The following DENND1A variants were observed in gnomAD, a reference collection of about 807,000 sequenced individuals.
DENND1A encodes DENN domain containing 1A, also known as DENN domain-containing protein 1A.
DENND1A carries 51 observed loss-of-function variants against 113.7 expected under a neutral mutation model. That is an observed-to-expected ratio of 0.45 (90% confidence interval 0.36 to 0.57). The LOEUF is 0.57. Ranked by LOEUF, DENND1A falls within the 20% of genes least tolerant of loss-of-function variation. The pLI is 0.00. For synonymous variants in DENND1A, 565 were observed against 570.8 expected, an observed-to-expected ratio of 0.99 and a Z score of 0.14; for missense variants, 1,258 against 1,395.9, an observed-to-expected ratio of 0.90 and a Z score of 1.57.
chr9:123,392,193 C>T (rs946566390), intron 21 of DENND1A, among the ~76,000 whole-genome samples: 6 of 152,162 alleles, frequency 3.9e-5, no homozygotes, highest in South Asian at 2.1e-4. Context: ...GCGCCGGGAT[C>T]GCACCGGCTT....
chr9:123,852,421 C>T (rs1843519187), intron 2 of DENND1A, among the ~76,000 whole-genome samples: 1 of 152,166 alleles, frequency 6.6e-6, no homozygotes, highest in African/African-American at 2.4e-5. Context: ...CACTTTGTGC[C>T]TGTCTCTATT....
chr9:123,424,332 C>A lies in DENND1A; in HGVS notation c.1489-12503G>T, dbSNP rs565684385. 2.8e-4 allele frequency among the ~76,000 whole-genome samples: 42 copies of A among 152,316 alleles called. 1 individual carries two copies. In the South Asian group the frequency reaches 8.5e-3, roughly 31 times the overall value. Reference sequence around the variant, plus strand: ...AGAGGAACACAGCCTGTGTCCAGCCCTGTGCTATTCTATGATCAGCTTCAA... The same window carrying A: ...AGAGGAACACAGCCTGTGTCCAGCCATGTGCTATTCTATGATCAGCTTCAA... On this transcript the variant is annotated intron_variant, in intron 19 of 23. Coordinates refer to ENST00000394215, the MANE Select transcript of DENND1A (RefSeq NM_001352964.2).
Position 123,706,770 on chromosome 9 carries a change from CAAAAAAA to C in DENND1A, c.303-29988_303-29982del, listed in dbSNP as rs575483682. The stretch of plus-strand genomic sequence containing the variant: ...TGGGTGACAGAGCGAGACTCCGTCT[CAAAAAAA>C]AAAAAAAAAAAAAAAAAAAATAGAG... On this transcript the variant is annotated intron_variant, in intron 5 of 23. Transcript: ENST00000394215. 2.1e-4 allele frequency among the ~76,000 whole-genome samples: 11 copies of C among 53,564 alleles called. No homozygotes were observed. In the East Asian group the frequency reaches 3.3e-3, roughly 16 times the overall value. 35.1% of individuals were successfully genotyped at this position (53,564 alleles called of 152,430 possible). A position where few individuals can be genotyped will look rare whatever the true frequency, so the allele number is the denominator to read the frequency against.
chr9:123,511,218 C>T (rs1429902918), intron 13 of DENND1A, among the ~76,000 whole-genome samples: 3 of 152,212 alleles, frequency 2.0e-5, no homozygotes, highest in African/African-American at 4.8e-5. Flanking sequence ...CAGTTAAGGG[C>T]TCAGATGTCT....
At chr9:123,749,832 C>T (rs78930537) in intron 5 of DENND1A, among the ~76,000 whole-genome samples, 4,011 of 152,278 alleles carry the variant, frequency 0.026, 55 homozygotes, top group Middle Eastern at 0.031. Flanking sequence ...TACTAAGCTT[C>T]ATGAGGATTA....
intron 5 of DENND1A, among the ~76,000 whole-genome samples, chr9:123,684,824 T>C (rs2064707149): frequency 6.6e-6 from 1 of 152,158 alleles, no homozygotes; most frequent in Non-Finnish European, 1.5e-5. Context: ...CATGGGGGAA[T>C]AAGGCCCATG....
intron 19 of DENND1A, among the ~76,000 whole-genome samples, chr9:123,425,897 C>T (rs1216876966): frequency 6.6e-6 from 1 of 152,232 alleles, no homozygotes; most frequent in South Asian, 2.1e-4. Flanking sequence ...TCATTCCTGG[C>T]AGCAGAGATG....
intron 13 of DENND1A, among the ~76,000 whole-genome samples, chr9:123,531,886 G>C (rs569349447): frequency 6.6e-6 from 1 of 152,326 alleles, no homozygotes; most frequent in South Asian, 2.1e-4. Context: ...GGGGCAGAGG[G>C]TTGCAGCTTG....
At chr9:123,799,525 T>C (rs1834299838) in intron 2 of DENND1A, among the ~76,000 whole-genome samples, 1 of 152,100 alleles carries the variant, frequency 6.6e-6, no homozygotes, top group Non-Finnish European at 1.5e-5. Flanking sequence ...TCTGGCCTTG[T>C]CCTAAGGGGG....
chr9:123,668,131 C>T (rs1042507215), intron 7 of DENND1A, among the ~76,000 whole-genome samples: 3 of 151,986 alleles, frequency 2.0e-5, no homozygotes, highest in South Asian at 2.1e-4. Flanking sequence ...AGCTTGGTGC[C>T]GGCCAATTAA....
intron 13 of DENND1A, among the ~76,000 whole-genome samples, chr9:123,552,018 CGAGAGAGAGAGAGAGAGAGACAGA>C (rs1378692161): frequency 1.7e-5 from 2 of 118,570 alleles, no homozygotes; most frequent in African/African-American, 3.2e-5. Flanking sequence ...AGAGCGAGAG[CGAGAGAGAGAGAGAGAGAGACAGA>C]GAGAGAGAGA....
At chr9:123,675,712 A>T (rs1589622475) in intron 6 of DENND1A, among the ~76,000 whole-genome samples, 1 of 152,250 alleles carries the variant, frequency 6.6e-6, no homozygotes, top group African/African-American at 2.4e-5. Flanking sequence ...CAAACAACAA[A>T]TTCAACAAAT....
intron 3 of DENND1A, 94 bp downstream of exon 3, chr9:123,792,493 C>T: frequency 7.5e-7 from 1 of 1,332,248 alleles, no homozygotes; most frequent in African/African-American, 1.5e-5. Flanking sequence ...TCTAAAAATT[C>T]ATTTATCTCT....
chr9:123,814,286 A>G (rs1201573712), intron 2 of DENND1A, among the ~76,000 whole-genome samples: 1 of 152,142 alleles, frequency 6.6e-6, no homozygotes, highest in Non-Finnish European at 1.5e-5. Context: ...ATAAAAGCAA[A>G]TGTTAATTTA....
chr9:123,430,394 T>C (rs1318053321), intron 19 of DENND1A, among the ~76,000 whole-genome samples: 2 of 152,202 alleles, frequency 1.3e-5, no homozygotes, highest in South Asian at 2.1e-4. Flanking sequence ...CATGTCACTG[T>C]AGCACTATTC....
chr9:123,567,571 AATC>A (rs1405255053), intron 12 of DENND1A, among the ~76,000 whole-genome samples: 2 of 152,216 alleles, frequency 1.3e-5, no homozygotes, highest in African/African-American at 4.8e-5. Flanking sequence ...GACTAAAGTT[AATC>A]ATAATTAAAA....
chr9:123,431,972 C>T (rs917896449), intron 19 of DENND1A, among the ~76,000 whole-genome samples: 2 of 152,210 alleles, frequency 1.3e-5, no homozygotes, highest in Admixed American at 1.3e-4. Flanking sequence ...AGAGGTGGTA[C>T]AGCTTAGAGA....
At chr9:123,682,464 T>C (rs1348154817) in intron 5 of DENND1A, among the ~76,000 whole-genome samples, 1 of 152,194 alleles carries the variant, frequency 6.6e-6, no homozygotes, top group Non-Finnish European at 1.5e-5. Context: ...AGGTATCCCT[T>C]TCTTTCTGTC....
intron 21 of DENND1A, among the ~76,000 whole-genome samples, chr9:123,393,051 C>T (rs2042936203): frequency 6.6e-6 from 1 of 152,152 alleles, no homozygotes; most frequent in Non-Finnish European, 1.5e-5. Flanking sequence ...TTTCTTTATC[C>T]ACTTGCTGAT....
Sources: gnomAD v4.1 joint callset for allele counts (sites outside exome capture counted in the v4.1 genomes callset) on GRCh38, gnomAD v4.1.1 for gene constraint, MANE v1.5 for transcripts, NCBI Gene and HGNC (gene_info 2026-07-23, HGNC 2026-07-21) for gene names.